MYO18B: variants seen among roughly 807,000 people sequenced by gnomAD.
MYO18B encodes myosin XVIIIB, also known as unconventional myosin-XVIIIb.
In MYO18B, 204 loss-of-function variants were observed where a neutral mutation model predicts 273.0. The observed-to-expected ratio is 0.75, with a 90% CI of 0.67 to 0.84. MYO18B has a LOEUF of 0.84. Ranked by LOEUF, MYO18B falls within the 40% of genes least tolerant of loss-of-function variation. The pLI, the probability that MYO18B is intolerant of heterozygous loss-of-function variation, is 0.00. For synonymous variants in MYO18B, 1,330 were observed against 1,305.7 expected (o/e 1.02, Z -0.40); for missense variants, 3,212 against 3,287.6 (o/e 0.98, Z 0.56).
intron 19 of MYO18B, among the ~76,000 whole-genome samples, 166 bp from the exon 20 acceptor site, chr22:25,847,261 CATT>C (rs1263104428): frequency 1.3e-5 from 2 of 152,126 alleles, no homozygotes; most frequent in African/African-American, 4.8e-5. Context: ...CAACAAGAAC[CATT>C]ATTTCTCATG....
chr22:25,956,628 T>G (rs2092855874), intron 39 of MYO18B, among the ~76,000 whole-genome samples: 1 of 152,170 alleles, frequency 6.6e-6, no homozygotes, highest in Non-Finnish European at 1.5e-5. Flanking sequence ...AGAGTGACTG[T>G]TCCACTTTTT....
At chr22:25,811,179 A>ATT (rs562242373) in intron 12 of MYO18B, among the ~76,000 whole-genome samples, 7 of 127,964 alleles carry the variant, frequency 5.5e-5, no homozygotes, top group Non-Finnish European at 6.8e-5. Context: ...GTGCCCGGCT[A>ATT]TTTTTTTTTT....
At chr22:25,950,334 GAT>G in intron 36 of MYO18B, 31 bp from the exon 37 acceptor site, 1 of 1,501,084 alleles carries the variant, frequency 6.7e-7, no homozygotes, top group Non-Finnish European at 8.9e-7. Flanking sequence ...GACTCAGGGT[GAT>G]ATATATACAT....
intron 42 of MYO18B, among the ~76,000 whole-genome samples, chr22:26,017,312 T>C (rs1935435422): frequency 6.6e-6 from 1 of 150,880 alleles, no homozygotes; most frequent in Non-Finnish European, 1.5e-5. Context: ...GCTCCTCCTC[T>C]ACATCTATGT....
chr22:25,808,620 A>G (rs1385482255), intron 12 of MYO18B, among the ~76,000 whole-genome samples: 1 of 152,018 alleles, frequency 6.6e-6, no homozygotes, highest in Non-Finnish European at 1.5e-5. Context: ...CCAGTCCCCA[A>G]TTTGGAAGGT....
chr22:25,990,735 A>C (rs1981332392), intron 39 of MYO18B, among the ~76,000 whole-genome samples: 1 of 110,058 alleles, frequency 9.1e-6, no homozygotes, highest in South Asian at 2.9e-4. Flanking sequence ...AAGAAAAAAA[A>C]AAAGACTCCA....
the MYO18B span, among the ~76,000 whole-genome samples, chr22:26,051,096 T>C: frequency 5.3e-5 from 8 of 152,194 alleles, no homozygotes; most frequent in African/African-American, 1.9e-4. Context: ...CAAGTAAGAC[T>C]TCAAGACAGT....
intron 39 of MYO18B, among the ~76,000 whole-genome samples, chr22:25,990,721 GAAAAAGAAAAAAAA>G (rs2093260192): frequency 3.7e-5 from 1 of 26,996 alleles, no homozygotes; most frequent in Non-Finnish European, 6.6e-5. Context: ...AAAAAAAAAA[GAAAAAGAAAAAAAA>G]AAAGACTCCA....
chr22:26,036,743 G>T, the MYO18B span, among the ~76,000 whole-genome samples: 1 of 152,164 alleles, frequency 6.6e-6, no homozygotes, highest in Non-Finnish European at 1.5e-5. Context: ...CTCAGCTTAT[G>T]CATAAAGAGG....
intron 12 of MYO18B, among the ~76,000 whole-genome samples, chr22:25,810,421 T>A (rs1043761299): frequency 4.2e-5 from 6 of 143,698 alleles, no homozygotes; most frequent in Admixed American, 2.8e-4. Flanking sequence ...TTTTTTTTTT[T>A]AATAGGCTAT....
chr22:25,805,145 G>T (rs2088409632), intron 12 of MYO18B, among the ~76,000 whole-genome samples: 1 of 152,256 alleles, frequency 6.6e-6, no homozygotes, highest in South Asian at 2.1e-4. Flanking sequence ...CCATGTTAAG[G>T]CACCCTTCCC....
Position 25,877,941 on chromosome 22 carries a change from A to T in MYO18B, c.4225-18A>T. On this transcript the variant is annotated intron_variant, in intron 24 of 43. Coordinates refer to ENST00000335473, the MANE Select transcript of MYO18B (RefSeq NM_032608.7). The stretch of plus-strand genomic sequence containing the variant: ...CTCTGGCCTGGAATGGTTTCTGTTC[A>T]TGTGTTTGTTTTTGTAGGAGGAGCT... 6.4e-7 allele frequency: 1 copy of T among 1,559,166 alleles called. No homozygotes were observed. The highest frequency in any genetic ancestry group is 1.2e-5 in the South Asian group (1 of 84,352).
rs771023094 is a variant in MYO18B, at chr22:25,761,162, C to A, written c.39+31C>A. The stretch of plus-strand genomic sequence containing the variant: ...TGACACTCATGGCTGGGGCTGCAGC[C>A]ATCTGCAGGGACTGACTCGACCCTC... On this transcript the variant is annotated intron_variant, in intron 2 of 43. Transcript: ENST00000335473. 8.1e-6 allele frequency: 13 copies of A among 1,611,534 alleles called. No individual in the cohort carries two copies. In the East Asian group the frequency reaches 2.9e-4, roughly 36 times the overall value.
At chr22:25,818,001 C>T (rs562287819) in intron 12 of MYO18B, among the ~76,000 whole-genome samples, 1 of 152,264 alleles carries the variant, frequency 6.6e-6, no homozygotes, top group Non-Finnish European at 1.5e-5. Context: ...GGCCCATCTG[C>T]CATGGGGACC....
intron 39 of MYO18B, among the ~76,000 whole-genome samples, chr22:25,972,086 G>C (rs2093041096): frequency 6.6e-6 from 1 of 151,018 alleles, no homozygotes; most frequent in Non-Finnish European, 1.5e-5. Context: ...CTGCATTCCA[G>C]CCTGGGTGAC....
At position 25,792,497 on chromosome 22, in the gene MYO18B, CTTTT is replaced by C. The variant is rs58679561; in HGVS notation, c.2377-5443_2377-5440del. The stretch of plus-strand genomic sequence containing the variant: ...GTGATGTTTCTTTTTTTTTTCTTTT[CTTTT>C]TTTTTTTTTTTTGAGACAGAGTCTG... On this transcript the variant is annotated intron_variant, in intron 11 of 43. Coordinates refer to ENST00000335473, the MANE Select transcript of MYO18B (RefSeq NM_032608.7). 1.0e-3 allele frequency among the ~76,000 whole-genome samples: 108 copies of C among 107,938 alleles called. 1 individual carries two copies. The highest frequency in any genetic ancestry group is 3.6e-3 in the African/African-American group (100 of 27,402). 70.8% of individuals were successfully genotyped at this position (107,938 alleles called of 152,430 possible).
At chr22:25,879,818 A>T (rs1190395325) in intron 25 of MYO18B, among the ~76,000 whole-genome samples, 1 of 152,194 alleles carries the variant, frequency 6.6e-6, no homozygotes, top group Non-Finnish European at 1.5e-5. Context: ...AACTTACATC[A>T]TGGTGGATTG....
chr22:25,751,021 G>T (rs1029885072), intron 1 of MYO18B, among the ~76,000 whole-genome samples: 6 of 152,162 alleles, frequency 3.9e-5, no homozygotes, highest in Admixed American at 6.5e-5. Context: ...ACCACCTCCT[G>T]GCTGGGTGCA....
chr22:25,918,630 T>G (rs1191704658), intron 33 of MYO18B, among the ~76,000 whole-genome samples: 3 of 152,174 alleles, frequency 2.0e-5, no homozygotes, highest in Non-Finnish European at 4.4e-5. Context: ...TGCCAGCATT[T>G]TCAGGGCCTT....
Sources: gnomAD v4.1 joint callset for allele counts (sites outside exome capture counted in the v4.1 genomes callset) on GRCh38, gnomAD v4.1.1 for gene constraint, MANE v1.5 for transcripts, NCBI Gene and HGNC (gene_info 2026-07-23, HGNC 2026-07-21) for gene names.